Variants in PCDH9 observed in about 807,000 individuals in gnomAD.
PCDH9 encodes the protein protocadherin 9.
In PCDH9, 24 loss-of-function variants were observed where a neutral mutation model predicts 70.6. That is an observed-to-expected ratio of 0.34 (90% CI 0.25 to 0.48). PCDH9 has a LOEUF of 0.48. Among genes scored for constraint, PCDH9 ranks in the 20% least tolerant of loss-of-function variants. The pLI is 0.99. For synonymous variants in PCDH9, 562 were observed against 558.5 expected, an observed-to-expected ratio of 1.01 and a Z score of -0.09; for missense variants, 1,281 against 1,503.6, an observed-to-expected ratio of 0.85 and a Z score of 2.45.
chr13:67,011,869 G>A (rs2084457940), intron 2 of PCDH9, among the ~76,000 whole-genome samples: 2 of 151,794 alleles, frequency 1.3e-5, no homozygotes, highest in Admixed American at 1.3e-4. Context: ...CAGTAAACCT[G>A]TCCTCCCAAA....
chr13:67,091,590 T>C (rs974304202), intron 2 of PCDH9, among the ~76,000 whole-genome samples: 1 of 152,110 alleles, frequency 6.6e-6, no homozygotes, highest in Non-Finnish European at 1.5e-5. Flanking sequence ...GACACATGTA[T>C]TATTGCTGTG....
chr13:67,042,250 C>T (rs973960458), intron 2 of PCDH9, among the ~76,000 whole-genome samples: 1 of 152,036 alleles, frequency 6.6e-6, no homozygotes, highest in Non-Finnish European at 1.5e-5. Flanking sequence ...TAAAGAACTG[C>T]CCGAGACTGG....
chr13:66,483,252 A>G (rs965934095), intron 4 of PCDH9, among the ~76,000 whole-genome samples: 8 of 152,218 alleles, frequency 5.3e-5, no homozygotes, highest in African/African-American at 1.7e-4. Flanking sequence ...TTTCTGCATT[A>G]TATGCATTTT....
intron 3 of PCDH9, among the ~76,000 whole-genome samples, chr13:66,643,030 C>T (rs1046411069): frequency 4.6e-5 from 7 of 151,822 alleles, no homozygotes; most frequent in African/African-American, 9.7e-5. Context: ...ACTTCATAAG[C>T]GGTTTTGAAT....
chr13:67,180,086 A>G (rs1332156132), intron 2 of PCDH9, among the ~76,000 whole-genome samples: 1 of 152,158 alleles, frequency 6.6e-6, no homozygotes, highest in Non-Finnish European at 1.5e-5. Context: ...TTTTTCTACA[A>G]AATTTGATTG....
chr13:66,399,276 A>G (rs1957150756), intron 4 of PCDH9, among the ~76,000 whole-genome samples: 1 of 152,118 alleles, frequency 6.6e-6, no homozygotes. Flanking sequence ...TTGGATATCT[A>G]TAGGTTCACC....
At chr13:66,903,166 A>G (rs2082305017) in intron 3 of PCDH9, among the ~76,000 whole-genome samples, 1 of 151,896 alleles carries the variant, frequency 6.6e-6, no homozygotes, top group South Asian at 2.1e-4. Context: ...TTTTAGTTCA[A>G]TTAATAAATA....
In PCDH9 at chr13:66,828,088, A is replaced by T. The variant is rs150696697; in HGVS notation, c.3138+75416T>A. On this transcript the variant is annotated intron_variant, in intron 3 of 4. Coordinates refer to ENST00000377865, the MANE Select transcript of PCDH9 (RefSeq NM_203487.3). ...TAAATTCAAACTGACATGTGAAGTA[A>T]CATCTAAGAAAAGTACTGGCAAACA... Among the ~76,000 whole-genome samples the T allele has an allele frequency of 3.9e-4, 60 of 152,316 alleles. No homozygotes were observed. The East Asian group carries it at 9.5e-3, about 24-fold the overall frequency.
intron 3 of PCDH9, among the ~76,000 whole-genome samples, chr13:66,864,455 T>A (rs1240905982): frequency 6.6e-6 from 1 of 152,202 alleles, no homozygotes; most frequent in Non-Finnish European, 1.5e-5. Context: ...AGGCTTCTTT[T>A]TGGTGGTTGT....
intron 2 of PCDH9, among the ~76,000 whole-genome samples, chr13:67,153,681 G>T (rs1290554030): frequency 6.6e-6 from 1 of 152,122 alleles, no homozygotes; most frequent in Non-Finnish European, 1.5e-5. Context: ...ACTTAAGCAA[G>T]TTTCTAAAAA....
intron 4 of PCDH9, among the ~76,000 whole-genome samples, chr13:66,592,928 A>G (rs1038634790): frequency 1.5e-4 from 23 of 151,762 alleles, no homozygotes; most frequent in African/African-American, 5.3e-4. Flanking sequence ...ACATTTTCAT[A>G]TAGTTGATTT....
intron 4 of PCDH9, among the ~76,000 whole-genome samples, chr13:66,612,738 C>T (rs1342923462): frequency 6.6e-6 from 1 of 152,046 alleles, no homozygotes; most frequent in Admixed American, 6.6e-5. Context: ...CCTGGCCTCT[C>T]CTTTTCCTGT....
At chr13:67,186,980 C>T (rs1353333324) in intron 2 of PCDH9, among the ~76,000 whole-genome samples, 1 of 152,174 alleles carries the variant, frequency 6.6e-6, no homozygotes, top group Non-Finnish European at 1.5e-5. Flanking sequence ...TTAACAGCAA[C>T]TTACAAGTAT....
chr13:66,316,810 C>G (rs1012669451), intron 4 of PCDH9, among the ~76,000 whole-genome samples: 1 of 152,260 alleles, frequency 6.6e-6, no homozygotes, highest in South Asian at 2.1e-4. Flanking sequence ...GCAACCTCCA[C>G]CTCCTGGGTT....
At chr13:66,671,183 A>C (rs1408753332) in intron 3 of PCDH9, among the ~76,000 whole-genome samples, 2 of 152,188 alleles carry the variant, frequency 1.3e-5, no homozygotes, top group African/African-American at 4.8e-5. Flanking sequence ...GCCTTCTGCC[A>C]CGATGGTGAG....
At chr13:67,088,999 A>C (rs1331329649) in intron 2 of PCDH9, among the ~76,000 whole-genome samples, 1 of 151,940 alleles carries the variant, frequency 6.6e-6, no homozygotes, top group Non-Finnish European at 1.5e-5. Flanking sequence ...AGCATACTCT[A>C]TTTTCTTGCA....
At chr13:66,595,421 TA>T (rs1322426576) in intron 4 of PCDH9, among the ~76,000 whole-genome samples, 1 of 151,838 alleles carries the variant, frequency 6.6e-6, no homozygotes, top group African/African-American at 2.4e-5. Context: ...GAGGACTAAT[TA>T]TTGTTTATCT....
intron 4 of PCDH9, among the ~76,000 whole-genome samples, chr13:66,366,168 T>C (rs1238124550): frequency 6.6e-6 from 1 of 152,088 alleles, no homozygotes; most frequent in Admixed American, 6.6e-5. Context: ...AGATTGAACC[T>C]AGATGATTTA....
chr13:66,841,594 G>A (rs1002794605), intron 3 of PCDH9, among the ~76,000 whole-genome samples: 4 of 152,094 alleles, frequency 2.6e-5, no homozygotes, highest in Non-Finnish European at 5.9e-5. Context: ...TTAAAATGAT[G>A]CCATATTTGA....
Sources: allele counts gnomAD v4.1 joint callset (sites outside exome capture counted in the v4.1 genomes callset), GRCh38; gene constraint gnomAD v4.1.1; transcripts MANE v1.5; gene names NCBI Gene and HGNC (gene_info 2026-07-23, HGNC 2026-07-21).